PARD3: variants seen among roughly 807,000 people sequenced by gnomAD.
PARD3 encodes the protein partitioning defective 3 homolog.
A neutral mutation model predicts 155.4 loss-of-function variants in PARD3; 75 were observed. The observed-to-expected ratio is 0.48, with a 90% confidence interval of 0.40 to 0.58. The LOEUF is 0.58. Ranked by LOEUF, PARD3 falls within the 20% of genes least tolerant of loss-of-function variation. The pLI, the probability that PARD3 is intolerant of heterozygous loss-of-function variation, is 0.00. For missense variants in PARD3, 1,642 were observed against 1,721.7 expected (o/e 0.95, Z 0.82); for synonymous variants, 576 against 610.5 (o/e 0.94, Z 0.83).
intron 5 of PARD3, among the ~76,000 whole-genome samples, chr10:34,446,707 T>C (rs1366233813): frequency 1.3e-5 from 2 of 152,254 alleles, no homozygotes; most frequent in African/African-American, 2.4e-5. Context: ...ATTATTTCCA[T>C]CACACAATGT....
chr10:34,366,283 T>C (rs1839960087), intron 12 of PARD3, among the ~76,000 whole-genome samples: 1 of 152,234 alleles, frequency 6.6e-6, no homozygotes, highest in Admixed American at 6.5e-5. Flanking sequence ...TATTGTAAAA[T>C]AACTTTGTGT....
At chr10:34,668,642 C>T (rs78009943) in intron 2 of PARD3, among the ~76,000 whole-genome samples, 4,180 of 152,208 alleles carry the variant, frequency 0.027, 92 homozygotes, top group Middle Eastern at 0.058. Flanking sequence ...AAAGATATAT[C>T]TTATGGTACA....
Position 34,284,379 on chromosome 10 carries a change from T to C in PARD3, c.3066-134A>G, listed in dbSNP as rs1256388389. 5.4e-6 allele frequency: 3 copies of C among 555,392 alleles called. No homozygotes were observed. The African/African-American group carries it at 5.9e-5, about 11-fold the overall frequency. 34.4% of individuals were successfully genotyped at this position (555,392 alleles called of 1,614,324 possible). A position where few individuals can be genotyped will look rare whatever the true frequency, so the allele number is the denominator to read the frequency against. ...GGGATCAGGTGTCTTCTGCAGTCAGTAGTTTGGGTCAGGACTAGTATTTTG... is the reference window on the plus strand; with the variant it reads ...GGGATCAGGTGTCTTCTGCAGTCAGCAGTTTGGGTCAGGACTAGTATTTTG... On this transcript the variant is annotated intron_variant, in intron 20 of 24. Coordinates refer to ENST00000374788, the MANE Select transcript of PARD3 (RefSeq NM_001184785.2).
chr10:34,111,183 G>C lies in PARD3; in HGVS notation c.4048C>G (p.Pro1350Ala), dbSNP rs1253883165. 1 of 1,554,834 alleles carries C rather than the reference G, an allele frequency of 6.4e-7. No homozygotes were observed. The highest frequency in any genetic ancestry group is 8.7e-7 in the Non-Finnish European group (1 of 1,148,098). Residue 1350 changes from proline (P) to alanine (A), a missense_variant, in exon 25 of 25, where the codon CCC (proline) becomes GCC (alanine). By Grantham distance (27) the Pro-to-Ala change is conservative. This residue lies in a region of PARD3 where 1,529 missense variants were observed against 1,587.3 expected (regional missense o/e 0.96). Transcript: ENST00000374788. ...TATTTGCGTGCTCAGGAATAGAAGG[G>C]CCTCCCTTTCTCAGGAGTCTGAAGT... ...NRLQTPEKGR[P>A]FYS
chr10:34,412,956 T>C (rs550150311), intron 5 of PARD3, among the ~76,000 whole-genome samples: 109 of 152,190 alleles, frequency 7.2e-4, no homozygotes, highest in Non-Finnish European at 1.2e-3. Flanking sequence ...TTTGAAATAT[T>C]TGTTGAGGTC....
chr10:34,608,534 C>A (rs1229731352), intron 2 of PARD3, among the ~76,000 whole-genome samples: 1 of 125,402 alleles, frequency 8.0e-6, no homozygotes, highest in South Asian at 2.6e-4. Flanking sequence ...AAAAAGAATA[C>A]TTTTTTTTTT....
chr10:34,552,360 C>T (rs2084651133), intron 2 of PARD3, among the ~76,000 whole-genome samples: 1 of 152,180 alleles, frequency 6.6e-6, no homozygotes, highest in Admixed American at 6.5e-5. Context: ...ATCAGCCTCC[C>T]AAAGACTGGG....
chr10:34,169,365 G>T (rs1165568403), intron 22 of PARD3, among the ~76,000 whole-genome samples: 3 of 152,210 alleles, frequency 2.0e-5, no homozygotes, highest in African/African-American at 7.2e-5. Context: ...GAGAAGACAC[G>T]CAGGAGAGCA....
intron 22 of PARD3, among the ~76,000 whole-genome samples, chr10:34,139,471 C>G (rs546839473): frequency 6.6e-6 from 1 of 152,254 alleles, no homozygotes; most frequent in African/African-American, 2.4e-5. Context: ...TTTTTCCTTC[C>G]TTGCCCAATT....
intron 22 of PARD3, among the ~76,000 whole-genome samples, chr10:34,258,874 T>C (rs1273994183): frequency 6.6e-6 from 1 of 152,022 alleles, no homozygotes; most frequent in African/African-American, 2.4e-5. Flanking sequence ...AGCAAGACCC[T>C]ATGTCTACAA....
Position 34,814,921 on chromosome 10 carries a change from G to A in PARD3, c.75C>T (p.Ser25=), listed in dbSNP as rs755772784. 3.2e-6 allele frequency: 5 copies of A among 1,565,930 alleles called. No individual in the cohort carries two copies. Among genetic ancestry groups the A allele is most frequent in the Non-Finnish European group, 4.3e-6 (5 of 1,158,126 alleles). Residue 25 remains serine, a synonymous_variant, in exon 1 of 25, where the codon AGC becomes AGT. Coordinates refer to ENST00000374788, the MANE Select transcript of PARD3 (RefSeq NM_001184785.2). ...PCGDGHMKVF[S]LIQQAVTRYR... is the part of the protein sequence containing the mutation. ...AGCGGGTCACCGCCTGCTGGATGAG[G>A]CTGAAAACTTTCATGTGGCCGTCCC...
At chr10:34,575,731 A>G (rs1297933287) in intron 2 of PARD3, among the ~76,000 whole-genome samples, 2 of 152,000 alleles carry the variant, frequency 1.3e-5, no homozygotes, top group African/African-American at 4.8e-5. Flanking sequence ...CCCCATCTCT[A>G]TTAAAAATAC....
At chr10:34,676,831 G>A (rs1159346817) in intron 2 of PARD3, among the ~76,000 whole-genome samples, 1 of 152,144 alleles carries the variant, frequency 6.6e-6, no homozygotes, top group South Asian at 2.1e-4. Context: ...TTTAAACTAT[G>A]ATTTTTCGAA....
rs115166389 is a variant in PARD3 at position 34,143,030 on chromosome 10, T to G, written c.3420-11447A>C. On this transcript the variant is annotated intron_variant, in intron 22 of 24. Transcript: ENST00000374788. ...AAAAACAGGAATACATTATAAAAAT[T>G]TGAAATAAAGGCTGGGGGCGGTGGC... 3.2e-3 allele frequency among the ~76,000 whole-genome samples: 494 copies of G among 152,146 alleles called. 1 individual carries two copies. The highest frequency in any genetic ancestry group is 0.011 in the African/African-American group (459 of 41,530).
chr10:34,765,025 T>C (rs1837908428), intron 1 of PARD3, among the ~76,000 whole-genome samples: 1 of 152,188 alleles, frequency 6.6e-6, no homozygotes, highest in Non-Finnish European at 1.5e-5. Flanking sequence ...AAGACAGCTA[T>C]TTGCCAACTA....
At chr10:34,663,379 T>C (rs917503759) in intron 2 of PARD3, among the ~76,000 whole-genome samples, 1 of 152,006 alleles carries the variant, frequency 6.6e-6, no homozygotes, top group Non-Finnish European at 1.5e-5. Flanking sequence ...GGCAGGAGAA[T>C]TGCTTGAACT....
intron 22 of PARD3, among the ~76,000 whole-genome samples, chr10:34,218,240 T>C (rs2133450725): frequency 6.6e-6 from 1 of 152,314 alleles, no homozygotes; most frequent in Non-Finnish European, 1.5e-5. Flanking sequence ...GGAAGGCACA[T>C]GACATCTTTT....
At chr10:34,372,245 C>T (rs997528436) in intron 12 of PARD3, among the ~76,000 whole-genome samples, 1 of 152,106 alleles carries the variant, frequency 6.6e-6, no homozygotes, top group Non-Finnish European at 1.5e-5. Context: ...TTGGTCCTCA[C>T]TTTGCAAGTG....
chr10:34,763,487 T>C (rs527621565), intron 1 of PARD3, among the ~76,000 whole-genome samples: 9 of 152,272 alleles, frequency 5.9e-5, no homozygotes, highest in East Asian at 1.9e-4. Context: ...CCCTGTATCA[T>C]TGCAACTTCC....
Sources: allele counts gnomAD v4.1 joint callset (sites outside exome capture counted in the v4.1 genomes callset), GRCh38; gene constraint gnomAD v4.1.1; regional missense constraint gnomAD v4.1.1; transcripts MANE v1.5; gene names NCBI Gene and HGNC (gene_info 2026-07-23, HGNC 2026-07-21).